DCDC1: variants seen among roughly 807,000 people sequenced by gnomAD.
DCDC1 encodes the protein doublecortin domain containing 1, also known as doublecortin domain-containing protein 1.
A neutral mutation model predicts 178.3 loss-of-function variants in DCDC1; 200 were observed. The ratio of observed to expected loss-of-function variants is 1.12; its 90% confidence interval spans 1.00 to 1.26. The LOEUF (loss-of-function observed/expected upper bound fraction) is 1.26, where lower values mean the gene tolerates loss of function less well. DCDC1 is among the 50% of genes most tolerant of loss of function. The pLI, the probability that DCDC1 is intolerant of heterozygous loss-of-function variation, is 0.00. For missense variants in DCDC1, 1,983 were observed against 1,749.2 expected, an observed-to-expected ratio of 1.13 and a Z score of -2.38; for synonymous variants, 690 against 604.8, an observed-to-expected ratio of 1.14 and a Z score of -2.07.
intron 9 of DCDC1, among the ~76,000 whole-genome samples, chr11:31,213,870 A>G (rs973885820): frequency 3.7e-5 from 5 of 133,582 alleles, no homozygotes; most frequent in Admixed American, 1.5e-4. Flanking sequence ...CATATTAGAG[A>G]AAAAGAAGTA....
At chr11:31,019,846 T>C (rs1206465212) in intron 20 of DCDC1, among the ~76,000 whole-genome samples, 1 of 152,100 alleles carries the variant, frequency 6.6e-6, no homozygotes, top group African/African-American at 2.4e-5. Context: ...TCTTTGCTAA[T>C]CTCTCTGTCC....
intron 20 of DCDC1, among the ~76,000 whole-genome samples, chr11:31,044,902 T>C (rs2135375646): frequency 6.6e-6 from 1 of 152,342 alleles, no homozygotes; most frequent in African/African-American, 2.4e-5. Flanking sequence ...CAGGCAGTTA[T>C]TGCTACAATA....
chr11:31,023,600 TAATA>T (rs1165476346), intron 20 of DCDC1, among the ~76,000 whole-genome samples: 1 of 152,048 alleles, frequency 6.6e-6, no homozygotes, highest in Non-Finnish European at 1.5e-5. Flanking sequence ...TACTTTAAAA[TAATA>T]AATAATATAC....
chr11:30,974,754 G>C (rs1950008124), intron 20 of DCDC1, among the ~76,000 whole-genome samples: 2 of 152,056 alleles, frequency 1.3e-5, no homozygotes, highest in Admixed American at 1.3e-4. Context: ...GGACCTGATG[G>C]CTTCACTGCC....
chr11:31,289,454 G>T (rs79125835), intron 7 of DCDC1, among the ~76,000 whole-genome samples: 1 of 151,746 alleles, frequency 6.6e-6, no homozygotes, highest in African/African-American at 2.4e-5. Context: ...CCAGCTCCTT[G>T]GTAAATGCTC....
intron 6 of DCDC1, among the ~76,000 whole-genome samples, chr11:31,303,483 T>C (rs1423742688): frequency 6.6e-6 from 1 of 152,126 alleles, no homozygotes; most frequent in African/African-American, 2.4e-5. Context: ...TTGTGGCTAG[T>C]TGGAAAATTA....
intron 17 of DCDC1, among the ~76,000 whole-genome samples, chr11:31,086,248 C>T (rs1204957214): frequency 6.6e-6 from 1 of 152,126 alleles, no homozygotes; most frequent in Non-Finnish European, 1.5e-5. Context: ...ACATACTCAC[C>T]AATACTGGTA....
intron 9 of DCDC1, among the ~76,000 whole-genome samples, chr11:31,175,471 A>C (rs1290057890): frequency 1.3e-5 from 2 of 151,956 alleles, no homozygotes; most frequent in Admixed American, 6.6e-5. Flanking sequence ...CCACACACAC[A>C]CCCACTACAC....
intron 10 of DCDC1, among the ~76,000 whole-genome samples, chr11:31,136,915 T>C (rs1963203461): frequency 6.6e-6 from 1 of 152,218 alleles, no homozygotes; most frequent in South Asian, 2.1e-4. Context: ...TCTGATTAGC[T>C]CACTTAGGCT....
intron 6 of DCDC1, among the ~76,000 whole-genome samples, chr11:31,297,709 T>TA (rs1947798391): frequency 6.6e-6 from 1 of 152,152 alleles, no homozygotes; most frequent in Admixed American, 6.5e-5. Context: ...TTCTCATCTC[T>TA]AAAAATTCAA....
At chr11:31,212,098 A>AG (rs1972613405) in intron 9 of DCDC1, among the ~76,000 whole-genome samples, 1 of 151,602 alleles carries the variant, frequency 6.6e-6, no homozygotes, top group African/African-American at 2.4e-5. Flanking sequence ...AAAAAAAAAA[A>AG]CAGCTAAGCA....
chr11:30,917,501 A>G (rs1945928081), intron 25 of DCDC1, among the ~76,000 whole-genome samples: 1 of 152,214 alleles, frequency 6.6e-6, no homozygotes, highest in Non-Finnish European at 1.5e-5. Flanking sequence ...CCACAGAGAA[A>G]TCTAGAGAAA....
At position 31,103,635 on chromosome 11, in the gene DCDC1, T is replaced by C. The variant is rs777637431; in HGVS notation, c.1877+9A>G. On this transcript the variant is annotated intron_variant, in intron 14 of 38. Coordinates refer to ENST00000684477, the MANE Select transcript of DCDC1 (RefSeq NM_001387274.1). Reference sequence around the variant, plus strand: ...ACCACATCTTTAACAAGATTACTTGTTAATTTACTTGCCACATCCAGGTAG... The same window carrying C: ...ACCACATCTTTAACAAGATTACTTGCTAATTTACTTGCCACATCCAGGTAG... 3 of 756,338 alleles carry C rather than the reference T, an allele frequency of 4.0e-6. No homozygotes were observed. The highest frequency in any genetic ancestry group is 7.2e-6 in the Non-Finnish European group (3 of 415,160). 46.9% of individuals were successfully genotyped at this position (756,338 alleles called of 1,614,324 possible).
intron 20 of DCDC1, among the ~76,000 whole-genome samples, chr11:31,044,004 C>T (rs1954654412): frequency 6.6e-6 from 1 of 151,914 alleles, no homozygotes; most frequent in African/African-American, 2.4e-5. Flanking sequence ...AGATGTCTTT[C>T]CCTAATTTCT....
At chr11:31,065,901 A>G (rs1956223237) in intron 18 of DCDC1, among the ~76,000 whole-genome samples, 1 of 152,122 alleles carries the variant, frequency 6.6e-6, no homozygotes. Context: ...CCCTCACGGA[A>G]CAAGTGTGTG....
At chr11:31,043,966 T>A (rs771097457) in intron 20 of DCDC1, among the ~76,000 whole-genome samples, 34 of 151,958 alleles carry the variant, frequency 2.2e-4, no homozygotes, top group Non-Finnish European at 4.0e-4. Context: ...AGGAGTGTGG[T>A]AGATAGAATT....
intron 32 of DCDC1, 81 bp downstream of exon 32, chr11:30,903,401 G>C: frequency 1.6e-6 from 2 of 1,279,136 alleles, no homozygotes; most frequent in Non-Finnish European, 2.0e-6. Flanking sequence ...TGAAAAAACT[G>C]ACTAAATGAA....
At chr11:31,212,455 C>T (rs1470394102) in intron 9 of DCDC1, among the ~76,000 whole-genome samples, 1 of 151,940 alleles carries the variant, frequency 6.6e-6, no homozygotes, top group Non-Finnish European at 1.5e-5. Context: ...AATTTAAACA[C>T]ACACCCCATA....
At chr11:30,972,182 A>G (rs186149506) in intron 20 of DCDC1, among the ~76,000 whole-genome samples, 1 of 152,344 alleles carries the variant, frequency 6.6e-6, no homozygotes, top group African/African-American at 2.4e-5. Context: ...TGCATATTAT[A>G]GTATAACTGG....
Sources: gnomAD v4.1 joint callset for allele counts (sites outside exome capture counted in the v4.1 genomes callset) on GRCh38, gnomAD v4.1.1 for gene constraint, MANE v1.5 for transcripts, NCBI Gene and HGNC (gene_info 2026-07-23, HGNC 2026-07-21) for gene names.